Variants in TEX11 observed in about 807,000 individuals in gnomAD.
TEX11 encodes the protein testis expressed 11, also known as testis-expressed protein 11.
TEX11 carries 7 observed loss-of-function variants against 84.4 expected under a neutral mutation model. That is an observed-to-expected ratio of 0.08 (90% CI 0.05 to 0.16). TEX11 has a LOEUF of 0.16. Among genes scored for constraint, TEX11 ranks in the 10% least tolerant of loss-of-function variants. The pLI, the probability that TEX11 is intolerant of heterozygous loss-of-function variation, is 1.00. For synonymous variants in TEX11, 264 were observed against 222.8 expected (o/e 1.18, Z -1.64); for missense variants, 551 against 660.5 (o/e 0.83, Z 1.82).
At chrX:70,766,438 C>T (rs1436959142) in intron 9 of TEX11, among the ~76,000 whole-genome samples, 1 of 108,782 alleles carries the variant, frequency 9.2e-6, no homozygotes, top group Non-Finnish European at 1.9e-5. Context: ...AAGAAAGAAG[C>T]TCCATCTCAG....
intron 24 of TEX11, among the ~76,000 whole-genome samples, chrX:70,598,404 A>T (rs2089039152): frequency 8.9e-6 from 1 of 111,845 alleles, no homozygotes; most frequent in Non-Finnish European, 1.9e-5. Context: ...ATCCTCATTC[A>T]GTCCTGGTTG....
At chrX:70,559,613 C>G (rs1481403112) in intron 25 of TEX11, among the ~76,000 whole-genome samples, 3 of 112,055 alleles carry the variant, frequency 2.7e-5, no homozygotes, top group Non-Finnish European at 3.8e-5. Context: ...ATTGTGTATT[C>G]TTTTGGGACC....
Position 70,703,622 on chromosome X carries a change from T to C in TEX11, c.1004+18996A>G, listed in dbSNP as rs138594276. ...GTGTTAGTGGGGTTGGATTTTCCCA[T>C]TTGTCCCTCTACCATTTTTATCCTT... On this transcript the variant is annotated intron_variant, in intron 13 of 29. Coordinates refer to ENST00000374333, the MANE Select transcript of TEX11 (RefSeq NM_031276.3). Among the ~76,000 whole-genome samples the C allele has an allele frequency of 3.0e-3, 335 of 111,816 alleles. 1 individual carries two copies. The highest frequency in any genetic ancestry group is 9.9e-3 in the African/African-American group (307 of 30,876).
intron 9 of TEX11, among the ~76,000 whole-genome samples, chrX:70,773,926 G>C (rs1393211571): frequency 1.8e-5 from 2 of 111,030 alleles, no homozygotes; most frequent in Non-Finnish European, 3.8e-5. Flanking sequence ...CCAATGCAGA[G>C]AAAGAGTGAG....
chrX:70,709,712 A>T (rs920600552), intron 13 of TEX11, among the ~76,000 whole-genome samples: 1 of 92,454 alleles, frequency 1.1e-5, no homozygotes, highest in Non-Finnish European at 2.2e-5. Context: ...AACATTCAAC[A>T]GTGTGTTCAA....
intron 2 of TEX11, among the ~76,000 whole-genome samples, chrX:70,886,744 G>T (rs1226939074): frequency 1.8e-5 from 2 of 111,473 alleles, no homozygotes; most frequent in Non-Finnish European, 3.8e-5. Context: ...TTCTTCCTTT[G>T]AATAGAACAG....
chrX:70,751,800 T>C (rs1011351933), intron 9 of TEX11, among the ~76,000 whole-genome samples: 2 of 112,005 alleles, frequency 1.8e-5, no homozygotes, highest in African/African-American at 6.5e-5. Context: ...TTCTTCATGC[T>C]GAAAGCAAGT....
chrX:70,904,274 G>A (rs750705442), intron 2 of TEX11, among the ~76,000 whole-genome samples: 2 of 111,273 alleles, frequency 1.8e-5, no homozygotes, highest in African/African-American at 6.5e-5. Context: ...GTTTATGTGT[G>A]CATAAGAGAA....
At chrX:70,750,936 AT>A (rs1569429116) in intron 9 of TEX11, among the ~76,000 whole-genome samples, 2,615 of 36,306 alleles carry the variant, frequency 0.072, 66 homozygotes, top group African/African-American at 0.11. Flanking sequence ...AAAAAAAAAT[AT>A]ATATATATAT....
the TEX11 span, among the ~76,000 whole-genome samples, chrX:70,511,973 C>A: frequency 1.9e-5 from 2 of 105,345 alleles, no homozygotes; most frequent in East Asian, 5.9e-4. Context: ...CAGTGGTTTA[C>A]ACAATAAAGT....
At chrX:70,605,719 C>T (rs1021640746) in intron 23 of TEX11, among the ~76,000 whole-genome samples, 1 of 111,950 alleles carries the variant, frequency 8.9e-6, no homozygotes, top group Non-Finnish European at 1.9e-5. Context: ...TTAGTACCTT[C>T]CTAGAGATAA....
intron 7 of TEX11, among the ~76,000 whole-genome samples, chrX:70,840,660 C>T (rs1159710765): frequency 3.6e-5 from 4 of 111,216 alleles, no homozygotes; most frequent in African/African-American, 1.3e-4. Flanking sequence ...GGGCTAAATG[C>T]TCCAATTAAA....
chrX:70,557,506 C>T (rs901049669), intron 25 of TEX11, among the ~76,000 whole-genome samples: 2 of 109,898 alleles, frequency 1.8e-5, no homozygotes, highest in Non-Finnish European at 1.9e-5. Context: ...TTAGTGTGTA[C>T]GTTTATAGTT....
chrX:70,666,810 T>A (rs1324420133), intron 16 of TEX11, among the ~76,000 whole-genome samples: 1 of 111,592 alleles, frequency 9.0e-6, no homozygotes, highest in Non-Finnish European at 1.9e-5. Context: ...GCCTTTGCAG[T>A]TGTTATTCCC....
rs1182961993 is a variant in TEX11, at chrX:70,601,534, C to CTTTT, written c.2067+3863_2067+3866dup. 6.3e-3 allele frequency among the ~76,000 whole-genome samples: 397 copies of CTTTT among 63,340 alleles called. 7 individuals carry two copies. Among genetic ancestry groups the CTTTT allele is most frequent in the African/African-American group, 0.017 (275 of 16,037 alleles). The allele number at this position is 63,340 out of a possible 115,157, so 55.0% of individuals were successfully genotyped here. On this transcript the variant is annotated intron_variant, in intron 24 of 29. Coordinates refer to ENST00000374333, the MANE Select transcript of TEX11 (RefSeq NM_031276.3). ...CTCATTTTATGAGGCCAGCATCATT[C>CTTTT]TTTTTTTTTTTTTTTTTTTTTATTG...
chrX:70,798,367 T>C (rs1156458278), intron 9 of TEX11, among the ~76,000 whole-genome samples: 1 of 111,510 alleles, frequency 9.0e-6, no homozygotes, highest in East Asian at 2.8e-4. Flanking sequence ...ACAGATATCC[T>C]GTGTTCATAG....
chrX:70,830,270 A>G (rs894163877), intron 8 of TEX11, among the ~76,000 whole-genome samples: 2 of 112,100 alleles, frequency 1.8e-5, no homozygotes, highest in African/African-American at 6.5e-5. Context: ...GAGAGAGAAA[A>G]AAAGGTCACT....
rs1052216700 is a variant in TEX11 at position 70,907,306 on chromosome X, T to C, written c.37+447A>G. 4.5e-5 allele frequency among the ~76,000 whole-genome samples: 5 copies of C among 112,010 alleles called. No homozygotes were observed. In the South Asian group the frequency reaches 1.9e-3, roughly 42 times the overall value. ...TCCCTACACTAGTTCATAAAAAGGTTCCCAATGTGTTAAAAATAGACATTG... is the reference window on the plus strand; with the variant it reads ...TCCCTACACTAGTTCATAAAAAGGTCCCCAATGTGTTAAAAATAGACATTG... On this transcript the variant is annotated intron_variant, in intron 2 of 29. Transcript: ENST00000374333.
At chrX:70,559,229 T>C (rs768683808) in intron 25 of TEX11, among the ~76,000 whole-genome samples, 2 of 112,511 alleles carry the variant, frequency 1.8e-5, no homozygotes, top group South Asian at 7.3e-4. Context: ...GGAATATTAT[T>C]TGACCATAAA....
Sources: allele counts gnomAD v4.1 joint callset (sites outside exome capture counted in the v4.1 genomes callset), GRCh38; gene constraint gnomAD v4.1.1; transcripts MANE v1.5; gene names NCBI Gene and HGNC (gene_info 2026-07-23, HGNC 2026-07-21).